The following TNN variants were observed in gnomAD, a reference collection of about 807,000 sequenced individuals.
TNN encodes the protein tenascin-N.
Under a neutral mutation model 134.4 loss-of-function variants are expected in TNN, and 122 were observed. The ratio of observed to expected loss-of-function variants is 0.91; its 90% confidence interval spans 0.78 to 1.06. TNN has a LOEUF of 1.06. Among genes scored for constraint, TNN ranks in the 50% least tolerant of loss-of-function variants. The pLI is 0.00. For missense variants in TNN, 1,739 were observed against 1,699.4 expected, an observed-to-expected ratio of 1.02 and a Z score of -0.41; for synonymous variants, 710 against 670.3, an observed-to-expected ratio of 1.06 and a Z score of -0.91.
intron 9 of TNN, among the ~76,000 whole-genome samples, chr1:175,103,865 T>A (rs1449407110): frequency 6.9e-6 from 1 of 145,666 alleles, no homozygotes; most frequent in Non-Finnish European, 1.5e-5. Flanking sequence ...TTTGTCAGTG[T>A]AAGATTCCTA....
rs186280592 is a variant in TNN, at chr1:175,129,159, A to G, written c.3330+413A>G. Reference sequence around the variant, plus strand: ...TCATGAGGGGATGTGCTCTATTACAATGGTTCGTGATAAAGGATTAATTTT... The same window carrying G: ...TCATGAGGGGATGTGCTCTATTACAGTGGTTCGTGATAAAGGATTAATTTT... On this transcript the variant is annotated intron_variant, in intron 15 of 18. Transcript: ENST00000239462. Among the ~76,000 whole-genome samples, 1,033 of 152,326 alleles carry G rather than the reference A, an allele frequency of 6.8e-3. 6 individuals carry two copies. Among genetic ancestry groups the G allele is most frequent in the Admixed American group, 0.014 (208 of 15,298 alleles).
intron 1 of TNN, among the ~76,000 whole-genome samples, chr1:175,071,316 C>T (rs557399692): frequency 7.9e-5 from 12 of 152,166 alleles, no homozygotes; most frequent in African/African-American, 2.9e-4. Flanking sequence ...TGAGGTGACA[C>T]AGAAACCATC....
intron 6 of TNN, among the ~76,000 whole-genome samples, chr1:175,088,307 G>C (rs1283534165): frequency 6.6e-6 from 1 of 152,110 alleles, no homozygotes; most frequent in African/African-American, 2.4e-5. Flanking sequence ...CCTTACAGCA[G>C]TCATCTCATT....
At chr1:175,117,238 C>T (rs752185881) in intron 10 of TNN, 33 bp downstream of exon 10, 4 of 1,604,602 alleles carry the variant, frequency 2.5e-6, no homozygotes, top group Non-Finnish European at 2.5e-6. Context: ...AATATAAGAG[C>T]TTTCATGCTA....
chr1:175,109,745 TATCC>T (rs1417513287), intron 9 of TNN, among the ~76,000 whole-genome samples: 2 of 150,988 alleles, frequency 1.3e-5, no homozygotes, highest in Non-Finnish European at 2.9e-5. Flanking sequence ...AAAATTTCCT[TATCC>T]ATCCACTAGT....
chr1:175,090,381 T>G (rs1674414012), intron 6 of TNN, among the ~76,000 whole-genome samples: 1 of 152,136 alleles, frequency 6.6e-6, no homozygotes, highest in African/African-American at 2.4e-5. Flanking sequence ...GTACAGAACG[T>G]GTAGGTATTG....
At chr1:175,138,025 G>C (rs1479252270) in intron 17 of TNN, among the ~76,000 whole-genome samples, 2 of 152,196 alleles carry the variant, frequency 1.3e-5, no homozygotes. Context: ...CAAGTGGGAG[G>C]AAATAGAGGG....
chr1:175,102,742 G>A lies in TNN; in HGVS notation c.2119+4147G>A, dbSNP rs1441104016. ...TCCAGCCTTGGCCAGCCCAGAAAGG[G>A]GCTCCCACAGTGTAGTGGTGGACTG... On this transcript the variant is annotated intron_variant, in intron 9 of 18. Transcript: ENST00000239462. 4.8e-5 allele frequency among the ~76,000 whole-genome samples: 7 copies of A among 146,224 alleles called. 2 individuals carry two copies. The highest frequency in any genetic ancestry group is 1.5e-4 in the African/African-American group (6 of 40,648).
At chr1:175,126,854 T>G in intron 12 of TNN, 101 bp from the exon 13 acceptor site, 1 of 1,314,152 alleles carries the variant, frequency 7.6e-7, no homozygotes, top group Non-Finnish European at 1.0e-6. Flanking sequence ...GGAGGAGAAA[T>G]GGGAGGGTTT....
chr1:175,080,606 G>C (rs1385725699), intron 4 of TNN, among the ~76,000 whole-genome samples, 180 bp downstream of exon 4: 2 of 152,126 alleles, frequency 1.3e-5, no homozygotes, highest in Non-Finnish European at 2.9e-5. Flanking sequence ...TGATTACTGG[G>C]TTCTCCAAGC....
intron 16 of TNN, 60 bp from the exon 17 acceptor site, chr1:175,136,761 T>G: frequency 6.5e-7 from 1 of 1,528,850 alleles, no homozygotes; most frequent in Non-Finnish European, 8.9e-7. Context: ...ACACACATGT[T>G]GAGTGCTTAC....
chr1:175,119,350 G>A (rs1675281946), intron 11 of TNN, among the ~76,000 whole-genome samples: 3 of 152,234 alleles, frequency 2.0e-5, no homozygotes, highest in African/African-American at 7.2e-5. Flanking sequence ...GTAGTAGTGA[G>A]GATGACCAGA....
chr1:175,101,333 G>T (rs1014183662), intron 9 of TNN, among the ~76,000 whole-genome samples: 16 of 152,018 alleles, frequency 1.1e-4, no homozygotes, highest in Admixed American at 3.3e-4. Flanking sequence ...CCTCCCGGTG[G>T]GCTCGTGGTC....
chr1:175,104,329 C>T (rs374513984), intron 9 of TNN, among the ~76,000 whole-genome samples: 9 of 145,576 alleles, frequency 6.2e-5, no homozygotes, highest in Non-Finnish European at 1.1e-4. Flanking sequence ...GTGCTTGCCC[C>T]GGGCACCCTC....
intron 1 of TNN, among the ~76,000 whole-genome samples, chr1:175,074,484 GAAAAAAAA>G (rs55952749): frequency 5.3e-4 from 63 of 119,032 alleles, no homozygotes; most frequent in East Asian, 1.8e-3. Context: ...GATCCTGTCT[GAAAAAAAA>G]AAAAAAAAAA....
intron 9 of TNN, among the ~76,000 whole-genome samples, chr1:175,099,404 CAGGAGGAGAAGAGGTAAGGGGTCAG>C (rs1674658672): frequency 6.8e-6 from 1 of 146,614 alleles, no homozygotes; most frequent in Non-Finnish European, 1.5e-5. Context: ...GGTGAGGGGT[CAGGAGGAGAAGAGGTAAGGGGTCAG>C]AGGAGGAGAA....
At chr1:175,116,828 A>T (rs1675190466) in intron 9 of TNN, 111 bp from the exon 10 acceptor site, 2 of 1,436,334 alleles carry the variant, frequency 1.4e-6, no homozygotes, top group South Asian at 2.3e-5. Context: ...CCAGCATATG[A>T]TATGGAGAAA....
intron 11 of TNN, among the ~76,000 whole-genome samples, chr1:175,121,253 A>T (rs1477102566): frequency 6.6e-6 from 1 of 152,232 alleles, no homozygotes; most frequent in East Asian, 1.9e-4. Flanking sequence ...GTGCTTACAG[A>T]AGAAGGGGGA....
intron 1 of TNN, among the ~76,000 whole-genome samples, chr1:175,070,789 A>G (rs867582141): frequency 6.6e-6 from 1 of 152,210 alleles, no homozygotes; most frequent in African/African-American, 2.4e-5. Context: ...CGGTCCCCTA[A>G]GCCTCTAGTT....
Sources: gnomAD v4.1 joint callset for allele counts (sites outside exome capture counted in the v4.1 genomes callset) on GRCh38, gnomAD v4.1.1 for gene constraint, MANE v1.5 for transcripts, NCBI Gene and HGNC (gene_info 2026-07-23, HGNC 2026-07-21) for gene names.